The following TAFA4 variants were observed in gnomAD, a reference collection of about 807,000 sequenced individuals.
TAFA4 encodes TAFA chemokine like family member 4.
A neutral mutation model predicts 21.1 loss-of-function variants in TAFA4; 20 were observed. The ratio of observed to expected loss-of-function variants is 0.95; its 90% CI spans 0.67 to 1.38. The LOEUF is 1.38. Ranked by LOEUF, TAFA4 falls within the 40% of genes most tolerant of loss-of-function variation. The pLI is 0.00. For missense variants in TAFA4, 211 were observed against 180.9 expected, an observed-to-expected ratio of 1.17 and a Z score of -0.95; for synonymous variants, 71 against 67.4, an observed-to-expected ratio of 1.05 and a Z score of -0.26.
chr3:68,915,336 G>C (rs2089993871), intron 1 of TAFA4, among the ~76,000 whole-genome samples: 1 of 152,164 alleles, frequency 6.6e-6, no homozygotes, highest in Admixed American at 6.5e-5. Flanking sequence ...CAAACATTAT[G>C]AGTTAGTCTC....
chr3:68,772,713 A>AG (rs1702981290), intron 3 of TAFA4, among the ~76,000 whole-genome samples: 1 of 152,118 alleles, frequency 6.6e-6, no homozygotes, highest in African/African-American at 2.4e-5. Flanking sequence ...GGGTAGAGGG[A>AG]GGGGAGCTGG....
intron 3 of TAFA4, among the ~76,000 whole-genome samples, chr3:68,798,698 A>G (rs1271910196): frequency 6.6e-6 from 1 of 152,204 alleles, no homozygotes. Flanking sequence ...AAAGTGTACA[A>G]TTCAGTGGTT....
intron 3 of TAFA4, among the ~76,000 whole-genome samples, chr3:68,844,640 C>T (rs150724178): frequency 0.027 from 4,158 of 152,272 alleles, 78 homozygotes; most frequent in Non-Finnish European, 0.044. Context: ...TTCCTACCTT[C>T]CCCTGTGGGC....
chr3:68,804,381 A>G (rs904826237), intron 3 of TAFA4, among the ~76,000 whole-genome samples: 8 of 152,168 alleles, frequency 5.3e-5, no homozygotes, highest in African/African-American at 1.9e-4. Flanking sequence ...TGCCCAAGGT[A>G]ATTTATAGAT....
chr3:68,800,529 C>T lies in TAFA4; in HGVS notation c.131-47511G>A, dbSNP rs1422436853. Among the ~76,000 whole-genome samples the T allele has an allele frequency of 5.3e-5, 8 of 152,186 alleles. No homozygotes were observed. The South Asian group carries it at 8.3e-4, about 16-fold the overall frequency. On this transcript the variant is annotated intron_variant, in intron 3 of 5. Coordinates refer to ENST00000295569, the MANE Select transcript of TAFA4 (RefSeq NM_182522.5). Reference sequence around the variant, plus strand: ...GAAACAGATAGAACCATGGAGTGGACGTTACCCAGCCCCTCAATTTTGCTT... The same window carrying T: ...GAAACAGATAGAACCATGGAGTGGATGTTACCCAGCCCCTCAATTTTGCTT...
chr3:68,767,200 T>C (rs1452830640), intron 3 of TAFA4, among the ~76,000 whole-genome samples: 2 of 152,138 alleles, frequency 1.3e-5, no homozygotes, highest in African/African-American at 4.8e-5. Flanking sequence ...ATTAACACAA[T>C]TATTTAATAA....
At chr3:68,900,225 G>A (rs529662540) in intron 1 of TAFA4, among the ~76,000 whole-genome samples, 171 of 147,640 alleles carry the variant, frequency 1.2e-3, no homozygotes, top group African/African-American at 3.9e-3. Flanking sequence ...TTGGGTGACA[G>A]AGCGAGACTC....
chr3:68,771,581 AC>A (rs1372329408), intron 3 of TAFA4, among the ~76,000 whole-genome samples: 3 of 152,250 alleles, frequency 2.0e-5, no homozygotes, highest in East Asian at 1.9e-4. Context: ...TTAAAACCCA[AC>A]AAAAAAAGTT....
At chr3:68,740,799 A>T (rs1702334539) in intron 4 of TAFA4, among the ~76,000 whole-genome samples, 1 of 152,152 alleles carries the variant, frequency 6.6e-6, no homozygotes, top group African/African-American at 2.4e-5. Flanking sequence ...TTACATTTAC[A>T]TCCTTTTCAA....
At position 68,732,527 on chromosome 3, in the gene TAFA4, G is replaced by T. The variant is rs949852277; in HGVS notation, c.*615C>A. ...ATTTTATCTCTGCTAACTGGAAAAT[G>T]GAAAGCAAAAAAAAAATAGAAGTAA... On this transcript the variant is annotated 3_prime_UTR_variant, in exon 6 of 6. Transcript: ENST00000295569. The T allele has an allele frequency of 1.3e-5, 2 of 151,792 alleles. No individual in the cohort carries two copies. Among genetic ancestry groups the T allele is most frequent in the African/African-American group, 4.8e-5 (2 of 41,244 alleles). 9.4% of individuals were successfully genotyped at this position (151,792 alleles called of 1,614,324 possible). A position where few individuals can be genotyped will look rare whatever the true frequency, so the allele number is the denominator to read the frequency against.
intron 3 of TAFA4, among the ~76,000 whole-genome samples, chr3:68,821,822 A>G (rs1575624759): frequency 6.6e-6 from 1 of 152,322 alleles, no homozygotes; most frequent in Admixed American, 6.5e-5. Context: ...TCAAAGAAAA[A>G]TGAGAAAATA....
At chr3:68,762,282 T>C (rs1037589444) in intron 3 of TAFA4, among the ~76,000 whole-genome samples, 7 of 151,750 alleles carry the variant, frequency 4.6e-5, no homozygotes, top group Admixed American at 6.6e-5. Flanking sequence ...AACTGAGAAA[T>C]TGTAGACAAT....
intron 1 of TAFA4, among the ~76,000 whole-genome samples, chr3:68,926,859 C>T (rs960455163): frequency 6.6e-6 from 1 of 151,958 alleles, no homozygotes; most frequent in Non-Finnish European, 1.5e-5. Flanking sequence ...TGCAGTGAGC[C>T]AAGATTCCGC....
chr3:68,734,207 T>C (rs932494294), intron 5 of TAFA4, among the ~76,000 whole-genome samples: 1 of 152,188 alleles, frequency 6.6e-6, no homozygotes, highest in Non-Finnish European at 1.5e-5. Flanking sequence ...TTCTGAAATA[T>C]TCTGTTTTTG....
chr3:68,929,337 ATATCTTTGTTTCC>A (rs2090139043), intron 1 of TAFA4, among the ~76,000 whole-genome samples: 1 of 152,240 alleles, frequency 6.6e-6, no homozygotes, highest in Admixed American at 6.5e-5. Context: ...ACCTTTGTGG[ATATCTTTGTTTCC>A]TATTGCCTGA....
At position 68,771,742 on chromosome 3, in the gene TAFA4, C is replaced by A. The variant is rs193020886; in HGVS notation, c.131-18724G>T. On this transcript the variant is annotated intron_variant, in intron 3 of 5. Coordinates refer to ENST00000295569, the MANE Select transcript of TAFA4 (RefSeq NM_182522.5). ...AGAGGTGTGAAGACCACTAACCACA[C>A]AACGCCTTTCTAGAATATTCTAACA... Among the ~76,000 whole-genome samples the A allele has an allele frequency of 3.4e-3, 483 of 140,504 alleles. 3 individuals are homozygous for A. Among genetic ancestry groups the A allele is most frequent in the Middle Eastern group, 0.01 (3 of 290 alleles). The allele number at this position is 140,504 out of a possible 152,430, so 92.2% of individuals were successfully genotyped here.
intron 3 of TAFA4, among the ~76,000 whole-genome samples, chr3:68,792,769 T>C (rs550427352): frequency 6.6e-6 from 1 of 152,288 alleles, no homozygotes; most frequent in East Asian, 1.9e-4. Context: ...TCAAATTAAC[T>C]AGATTAAAAG....
Position 68,796,958 on chromosome 3 carries a change from C to T in TAFA4, c.131-43940G>A, listed in dbSNP as rs143968234. Reference sequence around the variant, plus strand: ...AACCTGCTCCCTTTCATTACAATGACTACTATCAAAAAAAAGTAAATAAAT... The same window carrying T: ...AACCTGCTCCCTTTCATTACAATGATTACTATCAAAAAAAAGTAAATAAAT... On this transcript the variant is annotated intron_variant, in intron 3 of 5. Coordinates refer to ENST00000295569, the MANE Select transcript of TAFA4 (RefSeq NM_182522.5). 4.0e-3 allele frequency among the ~76,000 whole-genome samples: 608 copies of T among 152,176 alleles called. 3 individuals carry two copies. The highest frequency in any genetic ancestry group is 7.1e-3 in the Non-Finnish European group (484 of 67,992).
At chr3:68,842,637 G>A (rs2106896356) in intron 3 of TAFA4, among the ~76,000 whole-genome samples, 1 of 152,296 alleles carries the variant, frequency 6.6e-6, no homozygotes, top group East Asian at 1.9e-4. Context: ...GTCCTGAGTA[G>A]TATTGCCTAG....
Sources: allele counts gnomAD v4.1 joint callset (sites outside exome capture counted in the v4.1 genomes callset), GRCh38; gene constraint gnomAD v4.1.1; transcripts MANE v1.5; gene names NCBI Gene and HGNC (gene_info 2026-07-23, HGNC 2026-07-21).